Variants in KCNIP4 observed in about 807,000 individuals in gnomAD.
KCNIP4 encodes the protein Kv channel-interacting protein 4.
KCNIP4 carries 12 observed loss-of-function variants against 34.0 expected under a neutral mutation model. That is an observed-to-expected ratio of 0.35 (90% CI 0.23 to 0.57). The LOEUF (loss-of-function observed/expected upper bound fraction) is 0.57. KCNIP4 is among the 20% of genes least tolerant of loss of function. KCNIP4 has a pLI of 0.83. For missense variants in KCNIP4, 238 were observed against 311.7 expected (o/e 0.76, Z 1.78); for synonymous variants, 124 against 102.2 (o/e 1.21, Z -1.29).
chr4:21,230,798 A>T lies in KCNIP4; in HGVS notation c.62-348089T>A, dbSNP rs370361755. 3.9e-4 allele frequency among the ~76,000 whole-genome samples: 60 copies of T among 152,244 alleles called. No individual in the cohort carries two copies. The South Asian group carries it at 0.012, about 29-fold the overall frequency. On this transcript the variant is annotated intron_variant, in intron 1 of 8. Coordinates refer to ENST00000382152, the MANE Select transcript of KCNIP4 (RefSeq NM_025221.6). ...TTTGGCTTGATTCCATGTCTTTGCT[A>T]TTGTGACTAGTGCTGCAATGAACAT...
At chr4:21,360,315 T>C (rs1202084248) in intron 1 of KCNIP4, among the ~76,000 whole-genome samples, 1 of 152,078 alleles carries the variant, frequency 6.6e-6, no homozygotes, top group Non-Finnish European at 1.5e-5. Flanking sequence ...ATTAAAATCA[T>C]TTAATAATAA....
At chr4:21,597,735 C>T (rs1404028581) in intron 1 of KCNIP4, among the ~76,000 whole-genome samples, 5 of 152,102 alleles carry the variant, frequency 3.3e-5, no homozygotes, top group African/African-American at 4.8e-5. Flanking sequence ...GGATTTAGGA[C>T]ATTTTCTTAA....
At chr4:21,601,648 T>C (rs1180218319) in intron 1 of KCNIP4, among the ~76,000 whole-genome samples, 1 of 152,070 alleles carries the variant, frequency 6.6e-6, no homozygotes, top group African/African-American at 2.4e-5. Context: ...CATTGGTCTA[T>C]AAGGTCCTCT....
intron 1 of KCNIP4, among the ~76,000 whole-genome samples, chr4:21,854,576 A>C (rs1724631501): frequency 6.6e-6 from 1 of 152,160 alleles, no homozygotes; most frequent in South Asian, 2.1e-4. Flanking sequence ...GAATCTAGTA[A>C]ACCTCTGTCT....
chr4:21,035,350 A>G (rs1741361055), intron 1 of KCNIP4, among the ~76,000 whole-genome samples: 1 of 152,206 alleles, frequency 6.6e-6, no homozygotes, highest in Admixed American at 6.5e-5. Flanking sequence ...CATTCAAATG[A>G]AAAAGTAGAG....
At chr4:20,912,017 C>T (rs764143352) in intron 1 of KCNIP4, among the ~76,000 whole-genome samples, 8 of 152,152 alleles carry the variant, frequency 5.3e-5, no homozygotes, top group Non-Finnish European at 5.9e-5. Flanking sequence ...TGATAAGGTC[C>T]TCTCTAATTT....
chr4:21,846,271 A>G (rs1353608839), intron 1 of KCNIP4: 1 of 152,142 alleles, frequency 6.6e-6, no homozygotes, highest in Non-Finnish European at 1.5e-5. Flanking sequence ...AATAATTTGC[A>G]TATTTCAGAG....
intron 1 of KCNIP4, among the ~76,000 whole-genome samples, chr4:21,120,776 A>G (rs1330652347): frequency 6.6e-6 from 1 of 152,164 alleles, no homozygotes; most frequent in Non-Finnish European, 1.5e-5. Context: ...GGGGACACAA[A>G]GCCTAACCAT....
chr4:21,556,099 G>A (rs1022726993), intron 1 of KCNIP4, among the ~76,000 whole-genome samples: 5 of 152,082 alleles, frequency 3.3e-5, no homozygotes, highest in Non-Finnish European at 4.4e-5. Context: ...ACAGCCTTTC[G>A]ACAAAAGGGG....
At chr4:21,391,731 C>A (rs1722577337) in intron 1 of KCNIP4, among the ~76,000 whole-genome samples, 1 of 152,196 alleles carries the variant, frequency 6.6e-6, no homozygotes, top group South Asian at 2.1e-4. Flanking sequence ...TCTACTGATT[C>A]TACGGGCAGC....
chr4:21,438,639 G>A (rs1362545476), intron 1 of KCNIP4, among the ~76,000 whole-genome samples: 2 of 152,140 alleles, frequency 1.3e-5, no homozygotes, highest in African/African-American at 2.4e-5. Flanking sequence ...GGTAATAATA[G>A]ACTATTAACA....
chr4:21,472,151 C>T (rs1245626238), intron 1 of KCNIP4, among the ~76,000 whole-genome samples: 1 of 152,140 alleles, frequency 6.6e-6, no homozygotes, highest in Non-Finnish European at 1.5e-5. Flanking sequence ...TCAGGGACTA[C>T]ATTCCTAGGC....
intron 1 of KCNIP4, among the ~76,000 whole-genome samples, chr4:21,875,899 C>T (rs1207972011): frequency 1.3e-5 from 2 of 152,034 alleles, no homozygotes; most frequent in Non-Finnish European, 2.9e-5. Context: ...AAAATACAAG[C>T]TTATTGACTT....
intron 1 of KCNIP4, among the ~76,000 whole-genome samples, chr4:21,820,823 A>G (rs1578031843): frequency 6.6e-6 from 1 of 152,136 alleles, no homozygotes; most frequent in East Asian, 1.9e-4. Flanking sequence ...GTTCATATGC[A>G]AAGAAACCCA....
At chr4:21,501,449 T>G (rs1230992299) in intron 1 of KCNIP4, among the ~76,000 whole-genome samples, 1 of 152,124 alleles carries the variant, frequency 6.6e-6, no homozygotes, top group Non-Finnish European at 1.5e-5. Context: ...GTCACCATCA[T>G]ATCCACCATC....
rs1211262659 is a variant in KCNIP4, at chr4:21,370,832, TATATATATATATATATATACAC to T, written c.62-488145_62-488124del. Reference sequence around the variant, plus strand: ...ATATATATATATATATATATATATATATATATATATATATATATACACACACACACACACACACACACACACA... The same window carrying T: ...ATATATATATATATATATATATATATACACACACACACACACACACACACA... On this transcript the variant is annotated intron_variant, in intron 1 of 8. Transcript: ENST00000382152. Among the ~76,000 whole-genome samples the T allele has an allele frequency of 0.011, 350 of 32,200 alleles. 13 individuals carry two copies. In the East Asian group the frequency reaches 0.2, roughly 18 times the overall value. 21.1% of individuals were successfully genotyped at this position (32,200 alleles called of 152,430 possible). A position where few individuals can be genotyped will look rare whatever the true frequency, so the allele number is the denominator to read the frequency against.
intron 3 of KCNIP4, among the ~76,000 whole-genome samples, chr4:20,770,032 TTTGA>T (rs1755736393): frequency 6.6e-6 from 1 of 152,186 alleles, no homozygotes; most frequent in South Asian, 2.1e-4. Context: ...TTGCTTAGTA[TTTGA>T]TTGGATAACC....
chr4:20,966,211 T>C (rs1734332405), intron 1 of KCNIP4, among the ~76,000 whole-genome samples: 2 of 152,312 alleles, frequency 1.3e-5, no homozygotes, highest in African/African-American at 4.8e-5. Flanking sequence ...CTGTAATTTG[T>C]TTAAATTTGG....
chr4:21,906,676 G>A (rs1728019488), intron 1 of KCNIP4, among the ~76,000 whole-genome samples: 1 of 152,110 alleles, frequency 6.6e-6, no homozygotes, highest in South Asian at 2.1e-4. Flanking sequence ...TTCTGCAACA[G>A]GCAAAACCTG....
Sources: gnomAD v4.1 joint callset for allele counts (sites outside exome capture counted in the v4.1 genomes callset) on GRCh38, gnomAD v4.1.1 for gene constraint, MANE v1.5 for transcripts, NCBI Gene and HGNC (gene_info 2026-07-23, HGNC 2026-07-21) for gene names.